The following DENND2B variants were observed in gnomAD, a reference collection of about 807,000 sequenced individuals.
DENND2B encodes the protein DENN domain-containing protein 2B.
DENND2B carries 32 observed loss-of-function variants against 116.0 expected under a neutral mutation model. The observed-to-expected ratio is 0.28, with a 90% CI of 0.21 to 0.37. The LOEUF is 0.37. Among genes scored for constraint, DENND2B ranks in the 10% least tolerant of loss-of-function variants. The pLI, the probability that DENND2B is intolerant of heterozygous loss-of-function variation, is 1.00. For synonymous variants in DENND2B, 588 were observed against 583.9 expected (o/e 1.01, Z -0.10); for missense variants, 1,276 against 1,477.7 (o/e 0.86, Z 2.24).
chr11:8,712,505 T>C lies in DENND2B; in HGVS notation c.2172+46A>G. 2 of 1,522,842 alleles carry C rather than the reference T, an allele frequency of 1.3e-6. No homozygotes were observed. The highest frequency in any genetic ancestry group is 2.5e-5 in the South Asian group (2 of 81,144). The allele number at this position is 1,522,842 out of a possible 1,614,324, so 94.3% of individuals were successfully genotyped here. A position where few individuals can be genotyped will look rare whatever the true frequency, so the allele number is the denominator to read the frequency against. On this transcript the variant is annotated intron_variant, in intron 9 of 19. Coordinates refer to ENST00000313726, the MANE Select transcript of DENND2B (RefSeq NM_213618.2). This position sits in a 1 kb window ranked among gnomAD's most constrained non-coding sequence, Gnocchi z 4.4. ...CCAGATAGGCCTGGCGGATAGAGGATGGAAGAGGGGGAATATGGGCAAGGT... is the reference window on the plus strand; with the variant it reads ...CCAGATAGGCCTGGCGGATAGAGGACGGAAGAGGGGGAATATGGGCAAGGT...
At chr11:8,731,279 C>G (rs528741653) in intron 2 of DENND2B, 70 bp from the exon 3 acceptor site, 86 of 1,357,540 alleles carry the variant, frequency 6.3e-5, no homozygotes, top group Admixed American at 2.6e-4. Flanking sequence ...CAGTGGCATC[C>G]TGTTTTATTC....
upstream of DENND2B, chr11:8,871,498 T>A (rs1158163997): frequency 6.6e-6 from 1 of 152,288 alleles, no homozygotes; most frequent in Admixed American, 6.5e-5. Flanking sequence ...AAGCCGGAGC[T>A]GGGAGAGTCT....
At chr11:8,782,858 G>T (rs914711683) in intron 1 of DENND2B, among the ~76,000 whole-genome samples, 1 of 140,240 alleles carries the variant, frequency 7.1e-6, no homozygotes, top group African/African-American at 2.8e-5. Flanking sequence ...CTGCACTCCA[G>T]CCTGGGCAAC....
At chr11:8,733,849 G>A (rs745412772) in intron 2 of DENND2B, among the ~76,000 whole-genome samples, 5 of 152,194 alleles carry the variant, frequency 3.3e-5, no homozygotes, top group Non-Finnish European at 7.3e-5. Flanking sequence ...TGCCTACCCT[G>A]CTTCAACTGA....
intron 4 of DENND2B, chr11:8,839,292 CA>C (rs1436525677): frequency 2.6e-5 from 4 of 152,168 alleles, no homozygotes; most frequent in African/African-American, 9.6e-5. Flanking sequence ...ATTTAAAAAA[CA>C]AAAGGTAAAA....
intron 1 of DENND2B, among the ~76,000 whole-genome samples, chr11:8,889,678 G>A (rs2064003770): frequency 1.3e-5 from 2 of 152,244 alleles, no homozygotes; most frequent in Admixed American, 6.5e-5. Context: ...ACTGCAAGGT[G>A]GCAGCGAGGC....
In DENND2B at chr11:8,715,356, G is replaced by T. The variant is rs529454870; in HGVS notation, c.1845+247C>A. On this transcript the variant is annotated intron_variant, in intron 6 of 19. Coordinates refer to ENST00000313726, the MANE Select transcript of DENND2B (RefSeq NM_213618.2). ...ATTCATACACCACACTTACTAATGGGGAACCTCGGCTAGACTTTCCTTCCT... is the reference window on the plus strand; with the variant it reads ...ATTCATACACCACACTTACTAATGGTGAACCTCGGCTAGACTTTCCTTCCT... 2.6e-5 allele frequency: 14 copies of T among 528,476 alleles called. No individual in the cohort carries two copies. In the African/African-American group the frequency reaches 2.7e-4, roughly 10 times the overall value. 32.7% of individuals were successfully genotyped at this position (528,476 alleles called of 1,614,324 possible). A position where few individuals can be genotyped will look rare whatever the true frequency, so the allele number is the denominator to read the frequency against.
At position 8,702,862 on chromosome 11, in the gene DENND2B, C is replaced by A; in HGVS notation, c.2572-142G>T. 1 of 999,114 alleles carries A rather than the reference C, an allele frequency of 1.0e-6. No homozygotes were observed. Among genetic ancestry groups the A allele is most frequent in the South Asian group, 1.6e-5 (1 of 60,764 alleles). The allele number at this position is 999,114 out of a possible 1,614,324, so 61.9% of individuals were successfully genotyped here. A position where few individuals can be genotyped will look rare whatever the true frequency, so the allele number is the denominator to read the frequency against. ...TCGTCTACCCTGCTATGCAGTAAAC[C>A]CCTCTTCTCCATCCCTCGGACTACA... On this transcript the variant is annotated intron_variant, in intron 13 of 19. Coordinates refer to ENST00000313726, the MANE Select transcript of DENND2B (RefSeq NM_213618.2). This position sits in a 1 kb window ranked among gnomAD's most constrained non-coding sequence, Gnocchi z 4.6.
In DENND2B at chr11:8,718,257, C is replaced by T. The variant is rs1169338972; in HGVS notation, c.1478-365G>A. 7 of 1,132,378 alleles carry T rather than the reference C, an allele frequency of 6.2e-6. No individual in the cohort carries two copies. In the South Asian group the frequency reaches 9.2e-5, roughly 15 times the overall value. 70.1% of individuals were successfully genotyped at this position (1,132,378 alleles called of 1,614,324 possible). On this transcript the variant is annotated intron_variant, in intron 4 of 19. Transcript: ENST00000313726. ...TCTTTCCTTGGCTCCCTTCCCTCTGCTGCAAACACCCCAGAGATAACACAG... is the reference window on the plus strand; with the variant it reads ...TCTTTCCTTGGCTCCCTTCCCTCTGTTGCAAACACCCCAGAGATAACACAG...
intron 5 of DENND2B, 26 bp from the exon 6 acceptor site, chr11:8,715,844 G>C: frequency 6.4e-7 from 1 of 1,569,364 alleles, no homozygotes; most frequent in South Asian, 1.2e-5. Context: ...GGACGTGCGA[G>C]AGGGGCTTGC....
chr11:8,742,962 G>C (rs1004718495), intron 2 of DENND2B, among the ~76,000 whole-genome samples: 1 of 152,326 alleles, frequency 6.6e-6, no homozygotes, highest in East Asian at 1.9e-4. Context: ...TACTTGGGAG[G>C]CTGAGGCAGG....
chr11:8,778,183 G>C (rs376070555), intron 1 of DENND2B, among the ~76,000 whole-genome samples: 2 of 152,198 alleles, frequency 1.3e-5, no homozygotes, highest in Non-Finnish European at 2.9e-5. Context: ...TTGGCCCTTG[G>C]ATCACCAGCA....
intron 2 of DENND2B, among the ~76,000 whole-genome samples, chr11:8,735,837 C>T (rs995057691): frequency 6.6e-6 from 1 of 152,208 alleles, no homozygotes; most frequent in African/African-American, 2.4e-5. Flanking sequence ...TCTAGATCCT[C>T]GTGACAAAGA....
At chr11:8,901,224 CTTTTCTTT>C (rs1239619894) in intron 1 of DENND2B, among the ~76,000 whole-genome samples, 206 of 55,694 alleles carry the variant, frequency 3.7e-3, no homozygotes, top group African/African-American at 0.011. Flanking sequence ...CTTTTCTTTT[CTTTTCTTT>C]TTTTTTTTTT....
chr11:8,790,432 G>A (rs2059285459), intron 1 of DENND2B, among the ~76,000 whole-genome samples: 1 of 152,158 alleles, frequency 6.6e-6, no homozygotes. Flanking sequence ...TATGCTGATT[G>A]GAAGTGGTTT....
At chr11:8,749,355 G>C (rs751131216) in intron 2 of DENND2B, among the ~76,000 whole-genome samples, 33 of 152,254 alleles carry the variant, frequency 2.2e-4, no homozygotes, top group Non-Finnish European at 4.4e-4. Context: ...GTCTAAATGA[G>C]AGGGATTGCC....
intron 3 of DENND2B, among the ~76,000 whole-genome samples, chr11:8,844,827 T>A (rs936019717): frequency 6.6e-6 from 1 of 152,076 alleles, no homozygotes; most frequent in African/African-American, 2.4e-5. Context: ...CTCAAACTCC[T>A]GAGCTCAAGC....
rs191338147 is a variant in DENND2B, at chr11:8,793,984, A to T, written c.-26+16533T>A. On this transcript the variant is annotated intron_variant, in intron 1 of 19. Coordinates refer to ENST00000313726, the MANE Select transcript of DENND2B (RefSeq NM_213618.2). ...AGGATGTTAGTTTAAATATATAAAT[A>T]AAAAATATAAATAAATAAAAAACCC... is the stretch of plus-strand genomic sequence containing the variant. Among the ~76,000 whole-genome samples, 649 of 152,256 alleles carry T rather than the reference A, an allele frequency of 4.3e-3. 3 individuals carry two copies. Among genetic ancestry groups the T allele is most frequent in the Non-Finnish European group, 7.9e-3 (534 of 68,014 alleles).
chr11:8,834,329 C>T (rs2062334187), intron 4 of DENND2B, among the ~76,000 whole-genome samples: 1 of 152,202 alleles, frequency 6.6e-6, no homozygotes, highest in South Asian at 2.1e-4. Flanking sequence ...AGGTCTGTAG[C>T]TTTAAATTAG....
Sources: allele counts gnomAD v4.1 joint callset (sites outside exome capture counted in the v4.1 genomes callset), GRCh38; gene constraint gnomAD v4.1.1; non-coding constraint Gnocchi (gnomAD v3.1); transcripts MANE v1.5; gene names NCBI Gene and HGNC (gene_info 2026-07-23, HGNC 2026-07-21).